The following ANAPC10 variants were observed in gnomAD, a reference collection of about 807,000 sequenced individuals.
The protein encoded by ANAPC10 is anaphase promoting complex subunit 10.
Under a neutral mutation model 22.0 loss-of-function variants are expected in ANAPC10, and 12 were observed. That is an observed-to-expected ratio of 0.55 (90% CI 0.35 to 0.88). The LOEUF (loss-of-function observed/expected upper bound fraction) is 0.88. ANAPC10 is among the 40% of genes least tolerant of loss of function. The probability of loss-of-function intolerance (pLI) is 0.01; values close to 1 mark genes in which losing one functional copy is unlikely to be tolerated. For synonymous variants in ANAPC10, 65 were observed against 69.5 expected, an observed-to-expected ratio of 0.94 and a Z score of 0.32; for missense variants, 188 against 220.9, an observed-to-expected ratio of 0.85 and a Z score of 0.94.
chr4:145,032,869 T>C (rs1203630257), intron 4 of ANAPC10, among the ~76,000 whole-genome samples: 1 of 152,234 alleles, frequency 6.6e-6, no homozygotes, highest in Non-Finnish European at 1.5e-5. Context: ...GAATAGACAC[T>C]TACCAGATAT....
At chr4:145,015,250 A>G (rs1014890223) in intron 4 of ANAPC10, among the ~76,000 whole-genome samples, 3 of 151,976 alleles carry the variant, frequency 2.0e-5, no homozygotes, top group African/African-American at 7.3e-5. Flanking sequence ...AAAAACAATC[A>G]AACTTCAGGA....
At chr4:144,995,956 A>G (rs757355086) in intron 4 of ANAPC10, among the ~76,000 whole-genome samples, 1 of 152,262 alleles carries the variant, frequency 6.6e-6, no homozygotes, top group Non-Finnish European at 1.5e-5. Flanking sequence ...CTGACTAGAC[A>G]CAAGTAGTAT....
chr4:145,054,423 T>C (rs572937843), intron 4 of ANAPC10, among the ~76,000 whole-genome samples: 22 of 150,646 alleles, frequency 1.5e-4, no homozygotes, highest in Non-Finnish European at 2.2e-4. Flanking sequence ...CCGGGCATGG[T>C]GGCAGGCGCC....
At chr4:145,023,524 C>T (rs115789067) in intron 4 of ANAPC10, among the ~76,000 whole-genome samples, 2,538 of 152,202 alleles carry the variant, frequency 0.017, 71 homozygotes, top group African/African-American at 0.057. Context: ...CAAATTCTCT[C>T]GGGGAAGGCC....
intron 4 of ANAPC10, among the ~76,000 whole-genome samples, chr4:145,038,796 T>G (rs1361663432): frequency 7.3e-6 from 1 of 137,286 alleles, no homozygotes; most frequent in African/African-American, 2.8e-5. Flanking sequence ...CACTCCAGCC[T>G]GGGAGACAGA....
intron 4 of ANAPC10, among the ~76,000 whole-genome samples, chr4:145,007,804 G>C (rs1733637257): frequency 6.6e-6 from 1 of 151,160 alleles, no homozygotes; most frequent in Non-Finnish European, 1.5e-5. Context: ...GAAGCTAGCA[G>C]AAGGCAAGAA....
chr4:145,025,788 C>T (rs1320361073), intron 4 of ANAPC10, among the ~76,000 whole-genome samples: 2 of 152,046 alleles, frequency 1.3e-5, no homozygotes, highest in African/African-American at 4.8e-5. Flanking sequence ...CACAAATCTT[C>T]GATTTGTAAA....
chr4:145,026,920 C>CATATATACATATAT lies in ANAPC10; in HGVS notation c.328-31318_328-31317insATATATGTATATAT, dbSNP rs1203858529. 7.0e-3 allele frequency among the ~76,000 whole-genome samples: 119 copies of CATATATACATATAT among 17,014 alleles called. 10 individuals are homozygous for CATATATACATATAT. Among genetic ancestry groups the CATATATACATATAT allele is most frequent in the East Asian group, 0.02 (7 of 354 alleles). 11.2% of individuals were successfully genotyped at this position (17,014 alleles called of 152,430 possible). The stretch of plus-strand genomic sequence containing the variant: ...CAAATGAAGTTTTTGCCTATACATA[C>CATATATACATATAT]ATATATATATATATATATATATATA... On this transcript the variant is annotated intron_variant, in intron 4 of 4. Transcript: ENST00000507656.
intron 4 of ANAPC10, among the ~76,000 whole-genome samples, chr4:145,041,788 A>G (rs987073805): frequency 6.6e-6 from 1 of 152,208 alleles, no homozygotes; most frequent in African/African-American, 2.4e-5. Flanking sequence ...CTAAATAACC[A>G]CAAGAAACAA....
intron 4 of ANAPC10, among the ~76,000 whole-genome samples, chr4:145,007,859 A>G (rs1733651965): frequency 3.3e-5 from 1 of 30,336 alleles, no homozygotes; most frequent in Non-Finnish European, 6.3e-5. Flanking sequence ...AGACACAAAA[A>G]AAACCCTTCA....
intron 4 of ANAPC10, among the ~76,000 whole-genome samples, chr4:145,032,322 G>T (rs1016726745): frequency 2.6e-5 from 4 of 152,198 alleles, no homozygotes; most frequent in Non-Finnish European, 4.4e-5. Context: ...GAAATGGCCG[G>T]ATGTACAATT....
At chr4:145,046,917 T>C (rs1414527008) in intron 4 of ANAPC10, among the ~76,000 whole-genome samples, 1 of 152,080 alleles carries the variant, frequency 6.6e-6, no homozygotes, top group Non-Finnish European at 1.5e-5. Flanking sequence ...TTTCCAACCT[T>C]GTACAGTCAT....
chr4:145,086,902 T>C (rs1227473728), intron 2 of ANAPC10, among the ~76,000 whole-genome samples: 1 of 152,008 alleles, frequency 6.6e-6, no homozygotes, highest in African/African-American at 2.4e-5. Context: ...ATGGTTATTG[T>C]TATTGTTTGG....
chr4:145,094,055 A>G (rs1300887081), intron 2 of ANAPC10, among the ~76,000 whole-genome samples: 1 of 152,234 alleles, frequency 6.6e-6, no homozygotes, highest in Non-Finnish European at 1.5e-5. Flanking sequence ...GAAGGGCATG[A>G]ATACCAGAAG....
At chr4:145,013,990 A>G (rs1301269228) in intron 4 of ANAPC10, among the ~76,000 whole-genome samples, 1 of 152,050 alleles carries the variant, frequency 6.6e-6, no homozygotes, top group Non-Finnish European at 1.5e-5. Context: ...ATCCTTCAGG[A>G]GGGCGGCCAG....
intron 3 of ANAPC10, among the ~76,000 whole-genome samples, chr4:145,072,010 C>CAA (rs201572407): frequency 6.7e-6 from 1 of 149,566 alleles, no homozygotes; most frequent in African/African-American, 2.5e-5. Context: ...AAAAAAAACA[C>CAA]AAAAAAAACA....
intron 2 of ANAPC10, among the ~76,000 whole-genome samples, chr4:145,090,282 C>A (rs1747478129): frequency 6.6e-6 from 1 of 151,916 alleles, no homozygotes; most frequent in Non-Finnish European, 1.5e-5. Context: ...TGTTGTTTTT[C>A]TATTTGTGTT....
chr4:145,044,034 CTCTT>C (rs1005934509), intron 4 of ANAPC10, among the ~76,000 whole-genome samples: 44 of 152,138 alleles, frequency 2.9e-4, no homozygotes, highest in African/African-American at 9.4e-4. Context: ...TGTTCTTTCT[CTCTT>C]TCTATGTTTC....
chr4:145,076,436 A>G (rs1243924664), intron 3 of ANAPC10, among the ~76,000 whole-genome samples: 1 of 152,204 alleles, frequency 6.6e-6, no homozygotes, highest in Non-Finnish European at 1.5e-5. Flanking sequence ...TAAAAGCAAA[A>G]AAGTCCCATC....
Sources: allele counts gnomAD v4.1 joint callset (sites outside exome capture counted in the v4.1 genomes callset), GRCh38; gene constraint gnomAD v4.1.1; transcripts MANE v1.5; gene names NCBI Gene and HGNC (gene_info 2026-07-23, HGNC 2026-07-21).